The following IMPG2 variants were observed in gnomAD, a reference collection of about 807,000 sequenced individuals.
IMPG2 encodes the protein interphotoreceptor matrix proteoglycan 2, also known as IPM 200.
A neutral mutation model predicts 129.2 loss-of-function variants in IMPG2; 91 were observed. That is an observed-to-expected ratio of 0.70 (90% CI 0.59 to 0.84). The LOEUF (loss-of-function observed/expected upper bound fraction) is 0.84, where lower values mean the gene tolerates loss of function less well. IMPG2 is among the 40% of genes least tolerant of loss of function. IMPG2 has a pLI of 0.00. For missense variants in IMPG2, 1,430 were observed against 1,461.7 expected, an observed-to-expected ratio of 0.98 and a Z score of 0.35; for synonymous variants, 510 against 517.7, an observed-to-expected ratio of 0.99 and a Z score of 0.20.
chr3:101,256,316 T>TCA lies in IMPG2; in HGVS notation c.1153+1211_1153+1212dup, dbSNP rs571491261. On this transcript the variant is annotated intron_variant, in intron 10 of 18. Transcript: ENST00000193391. ...CCCTTTCTCACTTTCTCTGTCTCTCTCACACACACACATACACACAAATGC... is the reference window on the plus strand; with the variant it reads ...CCCTTTCTCACTTTCTCTGTCTCTCTCACACACACACACATACACACAAATGC... 3.0e-3 allele frequency among the ~76,000 whole-genome samples: 454 copies of TCA among 151,608 alleles called. 1 individual carries two copies. The highest frequency in any genetic ancestry group is 0.01 in the African/African-American group (424 of 41,424).
intron 6 of IMPG2, among the ~76,000 whole-genome samples, chr3:101,274,263 G>C (rs941198716): frequency 2.0e-5 from 3 of 152,022 alleles, no homozygotes; most frequent in Non-Finnish European, 2.9e-5. Flanking sequence ...AATTTTAGCT[G>C]TGTAAGTAGA....
chr3:101,311,733 G>A (rs918223560), intron 2 of IMPG2, among the ~76,000 whole-genome samples: 2 of 152,086 alleles, frequency 1.3e-5, no homozygotes, highest in Admixed American at 1.3e-4. Context: ...ATGTGGAATT[G>A]CAAGGGACCT....
chr3:101,259,659 T>C (rs755637403), intron 9 of IMPG2, among the ~76,000 whole-genome samples: 4 of 151,684 alleles, frequency 2.6e-5, no homozygotes, highest in Admixed American at 2.6e-4. Context: ...ATCAACATAA[T>C]AAGGATGATA....
chr3:101,245,799 C>T lies in IMPG2; in HGVS notation c.1543+3G>A. The T allele has an allele frequency of 6.2e-7, 1 of 1,613,448 alleles. No individual in the cohort carries two copies. Among genetic ancestry groups the T allele is most frequent in the South Asian group, 1.1e-5 (1 of 91,064 alleles). ...AGTACGAAAAGCAATTAAAGTTTCT[C>T]ACCATCTTCTACCAAGTGAGATCCA... On this transcript the variant is annotated splice_donor_region_variant and intron_variant, in intron 12 of 18. Coordinates refer to ENST00000193391, the MANE Select transcript of IMPG2 (RefSeq NM_016247.4).
chr3:101,253,573 T>A, intron 11 of IMPG2, 123 bp downstream of exon 11: 1 of 739,604 alleles, frequency 1.4e-6, no homozygotes, highest in Non-Finnish European at 2.4e-6. Context: ...GGTCTAGGGA[T>A]GATGCAAGAG....
chr3:101,299,827 A>C (rs966264669), intron 3 of IMPG2, among the ~76,000 whole-genome samples: 10 of 152,128 alleles, frequency 6.6e-5, no homozygotes, highest in African/African-American at 2.4e-4. Context: ...TGCCAGTAGA[A>C]ATGCTACTGT....
intron 14 of IMPG2, among the ~76,000 whole-genome samples, chr3:101,233,435 A>T (rs1576743751): frequency 1.3e-5 from 2 of 152,284 alleles, no homozygotes; most frequent in Middle Eastern, 6.8e-3. Context: ...CACTGAGAAC[A>T]TGAATGGGGA....
chr3:101,282,746 C>G (rs1239536924), intron 4 of IMPG2, among the ~76,000 whole-genome samples: 1 of 152,214 alleles, frequency 6.6e-6, no homozygotes, highest in Admixed American at 6.5e-5. Context: ...CAAGCACTCT[C>G]ATGCCCAACA....
intron 12 of IMPG2, 124 bp downstream of exon 12, chr3:101,245,678 A>G: frequency 1.1e-6 from 1 of 892,732 alleles, no homozygotes; most frequent in Non-Finnish European, 1.9e-6. Flanking sequence ...ACACAATTTT[A>G]CCAAGACATT....
At chr3:101,277,352 A>T (rs1273519477) in intron 4 of IMPG2, among the ~76,000 whole-genome samples, 1 of 152,196 alleles carries the variant, frequency 6.6e-6, no homozygotes, top group African/African-American at 2.4e-5. Flanking sequence ...TTAAAAATAT[A>T]TTTTGGGGAT....
intron 4 of IMPG2, among the ~76,000 whole-genome samples, chr3:101,284,144 T>C (rs1346430950): frequency 1.3e-5 from 2 of 152,224 alleles, no homozygotes; most frequent in Admixed American, 6.5e-5. Flanking sequence ...TTGGTCTGCA[T>C]GACAGACACA....
intron 2 of IMPG2, among the ~76,000 whole-genome samples, chr3:101,307,518 G>A (rs539478662): frequency 3.2e-4 from 48 of 152,260 alleles, no homozygotes; most frequent in African/African-American, 1.1e-3. Context: ...CATGGCAACA[G>A]GAGAAAGAAA....
At chr3:101,287,201 G>C (rs556106679) in intron 4 of IMPG2, among the ~76,000 whole-genome samples, 1 of 152,180 alleles carries the variant, frequency 6.6e-6, no homozygotes, top group South Asian at 2.1e-4. Flanking sequence ...TGGAAACATA[G>C]CCTTTGCAAA....
At chr3:101,264,968 C>T (rs1027065314) in intron 9 of IMPG2, among the ~76,000 whole-genome samples, 7 of 151,600 alleles carry the variant, frequency 4.6e-5, no homozygotes, top group Admixed American at 1.3e-4. Flanking sequence ...AAATAAAATA[C>T]GTAAAAATAA....
chr3:101,269,073 G>C (rs2107245870), intron 8 of IMPG2, among the ~76,000 whole-genome samples: 1 of 152,318 alleles, frequency 6.6e-6, no homozygotes, highest in African/African-American at 2.4e-5. Flanking sequence ...GTCTTTAAAA[G>C]AGGTGTCTGG....
In IMPG2 at chr3:101,228,828, C is replaced by G. The variant is rs1305022125; in HGVS notation, c.3682G>C (p.Glu1228Gln). The G allele has an allele frequency of 3.1e-6, 5 of 1,613,980 alleles. No homozygotes were observed. The highest frequency in any genetic ancestry group is 4.2e-6 in the Non-Finnish European group (5 of 1,179,912). Residue 1228 changes from glutamate to glutamine, a missense_variant, in exon 18 of 19, where the codon GAG (glutamate) becomes CAG (glutamine). By Grantham distance (29) the Glu-to-Gln change is conservative. Transcript: ENST00000193391. ...RVLELYANDP[E>Q]FAAFVREQQV... ...TGCTCTCTCACAAAAGCTGCAAACT[C>G]AGGATCATTGGCATACAGTTCCAAA...
intron 10 of IMPG2, among the ~76,000 whole-genome samples, chr3:101,257,118 A>T (rs111830741): frequency 1.3e-5 from 2 of 151,502 alleles, no homozygotes; most frequent in African/African-American, 4.9e-5. Flanking sequence ...ATCTCCCATG[A>T]CCTTTCTTGA....
intron 3 of IMPG2, among the ~76,000 whole-genome samples, chr3:101,297,260 A>G (rs1281754987): frequency 6.6e-6 from 1 of 151,960 alleles, no homozygotes; most frequent in African/African-American, 2.4e-5. Context: ...ATCATTATTT[A>G]TTGTGTCTAT....
intron 14 of IMPG2, among the ~76,000 whole-genome samples, chr3:101,234,675 G>T (rs1435224185): frequency 2.6e-5 from 4 of 152,180 alleles, no homozygotes; most frequent in African/African-American, 9.7e-5. Context: ...TTTGTAATCA[G>T]AAAATAATCT....
Sources: gnomAD v4.1 joint callset for allele counts (sites outside exome capture counted in the v4.1 genomes callset) on GRCh38, gnomAD v4.1.1 for gene constraint, MANE v1.5 for transcripts, NCBI Gene and HGNC (gene_info 2026-07-23, HGNC 2026-07-21) for gene names.